The following EDA variants were observed in gnomAD, a reference collection of about 807,000 sequenced individuals.
The protein encoded by EDA is ectodysplasin A.
EDA carries 2 observed loss-of-function variants against 23.6 expected under a neutral mutation model. The ratio of observed to expected loss-of-function variants is 0.08; its 90% CI spans 0.03 to 0.27. EDA has a LOEUF of 0.27. Among genes scored for constraint, EDA ranks in the 10% least tolerant of loss-of-function variants. The pLI is 1.00. For missense variants in EDA, 229 were observed against 324.2 expected (o/e 0.71, Z 2.26); for synonymous variants, 131 against 132.0 (o/e 0.99, Z 0.05).
chrX:69,749,437 C>A (rs2013739076), intron 1 of EDA, among the ~76,000 whole-genome samples: 1 of 101,798 alleles, frequency 9.8e-6, no homozygotes, highest in African/African-American at 3.6e-5. Flanking sequence ...GATTTATAGT[C>A]ATTTGGGTAT....
intron 1 of EDA, among the ~76,000 whole-genome samples, chrX:69,884,856 T>C (rs929037478): frequency 8.9e-6 from 1 of 112,247 alleles, no homozygotes; most frequent in South Asian, 3.7e-4. Context: ...ATCTGGGTTA[T>C]ATAGTTACTC....
chrX:69,767,315 C>A (rs762384741), intron 1 of EDA, among the ~76,000 whole-genome samples: 2 of 110,929 alleles, frequency 1.8e-5, no homozygotes, highest in Non-Finnish European at 3.8e-5. Flanking sequence ...AATAAATATA[C>A]CTATCATGCC....
chrX:69,798,504 C>T (rs1344417142), intron 1 of EDA, among the ~76,000 whole-genome samples: 2 of 111,166 alleles, frequency 1.8e-5, no homozygotes, highest in Non-Finnish European at 3.8e-5. Context: ...GAAATCAATA[C>T]CAAGAGGAAC....
intron 1 of EDA, among the ~76,000 whole-genome samples, chrX:69,780,696 T>C (rs1473817999): frequency 1.8e-5 from 2 of 109,408 alleles, no homozygotes; most frequent in Non-Finnish European, 3.8e-5. Flanking sequence ...TCTGGTTGTA[T>C]AAAAGTGTGT....
chrX:69,740,917 T>G (rs1193091545), intron 1 of EDA, among the ~76,000 whole-genome samples: 1 of 109,694 alleles, frequency 9.1e-6, no homozygotes, highest in Non-Finnish European at 1.9e-5. Flanking sequence ...GCCTGTCAAA[T>G]CTACTGTTGA....
intron 1 of EDA, among the ~76,000 whole-genome samples, chrX:69,816,265 A>G (rs2016079641): frequency 1.8e-5 from 2 of 112,037 alleles, no homozygotes. Context: ...ATTGCTGAGA[A>G]CTCAAAAAGC....
intron 1 of EDA, among the ~76,000 whole-genome samples, chrX:69,956,133 G>C (rs778014399): frequency 1.8e-5 from 2 of 111,121 alleles, no homozygotes; most frequent in Non-Finnish European, 3.8e-5. Flanking sequence ...CTAACTCCCA[G>C]AAGAGCATTG....
At chrX:69,718,256 TTTTCTTTC>T (rs756159452) in intron 1 of EDA, among the ~76,000 whole-genome samples, 24 of 110,978 alleles carry the variant, frequency 2.2e-4, no homozygotes, top group Non-Finnish European at 4.3e-4. Context: ...ACAAAGATAG[TTTTCTTTC>T]TTTCTTTCTT....
At chrX:69,676,211 A>T (rs1017302108) in intron 1 of EDA, among the ~76,000 whole-genome samples, 1 of 111,225 alleles carries the variant, frequency 9.0e-6, no homozygotes, top group African/African-American at 3.3e-5. Context: ...CAAAGGGGTT[A>T]CCTGATTTGA....
chrX:69,780,345 A>G (rs2014906745), intron 1 of EDA, among the ~76,000 whole-genome samples: 2 of 111,696 alleles, frequency 1.8e-5, no homozygotes, highest in Admixed American at 1.9e-4. Context: ...GTGTTTTTTA[A>G]TGGCAGCTTT....
At chrX:69,833,499 C>CTT (rs1403716826) in intron 1 of EDA, among the ~76,000 whole-genome samples, 1 of 88,083 alleles carries the variant, frequency 1.1e-5, no homozygotes, top group African/African-American at 4.3e-5. Context: ...CTAAAATTCT[C>CTT]TTTTTTTTTT....
chrX:70,004,288 G>A (rs759780018), intron 2 of EDA, among the ~76,000 whole-genome samples: 4 of 112,090 alleles, frequency 3.6e-5, no homozygotes, highest in East Asian at 2.8e-4. Flanking sequence ...CTGCTGCAAG[G>A]GCTAGAGAGG....
intron 1 of EDA, among the ~76,000 whole-genome samples, chrX:69,650,488 A>C (rs918224755): frequency 1.8e-5 from 2 of 111,636 alleles, no homozygotes; most frequent in Non-Finnish European, 3.8e-5. Context: ...AGATATAAGG[A>C]ATAAGTTCTA....
chrX:69,750,237 T>C (rs1261513425), intron 1 of EDA, among the ~76,000 whole-genome samples: 4 of 94,514 alleles, frequency 4.2e-5, no homozygotes, highest in African/African-American at 1.6e-4. Context: ...GTGTTCTCAT[T>C]GTTCAATTCT....
At chrX:70,000,733 A>G (rs151217033) in intron 2 of EDA, among the ~76,000 whole-genome samples, 2,698 of 112,275 alleles carry the variant, frequency 0.024, 93 homozygotes, top group African/African-American at 0.083. Context: ...TAACAACTCT[A>G]TAAGGTAAGT....
intron 1 of EDA, among the ~76,000 whole-genome samples, chrX:69,859,489 A>G (rs1159072660): frequency 8.9e-6 from 1 of 112,272 alleles, no homozygotes; most frequent in Non-Finnish European, 1.9e-5. Context: ...TTATTTATCC[A>G]AAAGTCATTC....
Position 69,832,064 on chromosome X carries a change from G to A in EDA, c.397-124963G>A, listed in dbSNP as rs181046110. ...TAATTAGATCCCAGTTGTCAATTTT[G>A]GCTTTTGTTTTCATTACTTTTGGTG... is the stretch of plus-strand genomic sequence containing the variant. On this transcript the variant is annotated intron_variant, in intron 1 of 7. Coordinates refer to ENST00000374552, the MANE Select transcript of EDA (RefSeq NM_001399.5). 1.5e-3 allele frequency among the ~76,000 whole-genome samples: 172 copies of A among 111,543 alleles called. 3 individuals carry two copies. Among genetic ancestry groups the A allele is most frequent in the Middle Eastern group, 4.6e-3 (1 of 217 alleles).
chrX:70,034,665 AC>A (rs761756417), intron 7 of EDA, among the ~76,000 whole-genome samples: 1 of 112,068 alleles, frequency 8.9e-6, no homozygotes, highest in Non-Finnish European at 1.9e-5. Flanking sequence ...ACATTAGGCC[AC>A]TGAGCATAAG....
intron 1 of EDA, among the ~76,000 whole-genome samples, chrX:69,689,345 G>C (rs1934638820): frequency 9.7e-6 from 1 of 102,845 alleles, no homozygotes; most frequent in African/African-American, 3.6e-5. Context: ...GCCCAGGCTA[G>C]AGTGCAGTGG....
Sources: allele counts gnomAD v4.1 joint callset (sites outside exome capture counted in the v4.1 genomes callset), GRCh38; gene constraint gnomAD v4.1.1; transcripts MANE v1.5; gene names NCBI Gene and HGNC (gene_info 2026-07-23, HGNC 2026-07-21).